Variants in KATNAL1 observed in about 807,000 individuals in gnomAD.
KATNAL1 encodes the protein katanin catalytic subunit A1 like 1, also known as katanin p60 ATPase-containing subunit A-like 1.
KATNAL1 carries 32 observed loss-of-function variants against 55.2 expected under a neutral mutation model. The observed-to-expected ratio is 0.58, with a 90% confidence interval of 0.44 to 0.78. The LOEUF (loss-of-function observed/expected upper bound fraction) is 0.78, where lower values mean the gene tolerates loss of function less well. KATNAL1 is among the 30% of genes least tolerant of loss of function. KATNAL1 has a pLI of 0.00. For missense variants in KATNAL1, 466 were observed against 600.9 expected, an observed-to-expected ratio of 0.78 and a Z score of 2.35; for synonymous variants, 193 against 193.6, an observed-to-expected ratio of 1.00 and a Z score of 0.02.
chr13:30,238,300 T>C (rs182253046), intron 6 of KATNAL1, among the ~76,000 whole-genome samples: 54 of 152,250 alleles, frequency 3.5e-4, no homozygotes, highest in African/African-American at 1.2e-3. Context: ...GAGATAACCA[T>C]TATTATTCCC....
chr13:30,296,449 C>T (rs1418055303), intron 1 of KATNAL1: 7 of 788,450 alleles, frequency 8.9e-6, no homozygotes, highest in East Asian at 2.6e-5. Context: ...CCCTGAACAT[C>T]CCCCTGCTTG....
intron 1 of KATNAL1, among the ~76,000 whole-genome samples, chr13:30,300,300 C>T (rs1882778158): frequency 6.6e-6 from 1 of 152,158 alleles, no homozygotes; most frequent in African/African-American, 2.4e-5. Flanking sequence ...TATTCTGACA[C>T]TTCCATATTT....
Position 30,241,053 on chromosome 13 carries a change from C to T in KATNAL1, c.526G>A (p.Gly176Ser). The change falls in exon 5 of 11, where the codon GGT becomes AGT. Residue 176 changes from glycine to serine, a missense_variant. Transcript: ENST00000380615. ...GCACCATCAAATTTTGGCATTTCAC[C>T]ATCACTTGCACCATCTTGCATATTC... ...RKNMQDGASD[G>S]EMPKFDGAGY... is the part of the protein sequence containing the mutation. The T allele has an allele frequency of 6.2e-7, 1 of 1,613,524 alleles. No individual in the cohort carries two copies. The highest frequency in any genetic ancestry group is 1.3e-5 in the African/African-American group (1 of 75,014).
At position 30,240,557 on chromosome 13, in the gene KATNAL1, A is replaced by G. The variant is rs2137423264; in HGVS notation, c.629T>C (p.Ile210Thr). 1 of 1,610,450 alleles carries G rather than the reference A, an allele frequency of 6.2e-7. No individual in the cohort carries two copies. ...SRNPSIHWDD[I>T]ADLEEAKKLL... Reference sequence around the variant, plus strand: ...CTTCTTAGCTTCTTCCAGATCTGCTATGTCATCCCTTTGAAAGAACAGCAA... The same window carrying G: ...CTTCTTAGCTTCTTCCAGATCTGCTGTGTCATCCCTTTGAAAGAACAGCAA... The change falls in exon 6 of 11, where the codon ATA (isoleucine) becomes ACA (threonine). Residue 210 changes from isoleucine to threonine, a missense_variant. Ile to Thr is a moderately conservative substitution (Grantham distance 89). Around this residue, in one of 3 missense-constraint regions of KATNAL1, gnomAD observed 248 missense variants for 275.5 expected, o/e 0.90. Coordinates refer to ENST00000380615, the MANE Select transcript of KATNAL1 (RefSeq NM_032116.5).
chr13:30,238,995 G>A (rs1227152672), intron 6 of KATNAL1, among the ~76,000 whole-genome samples: 4 of 152,038 alleles, frequency 2.6e-5, no homozygotes, highest in Admixed American at 6.6e-5. Flanking sequence ...CCAAATAGTG[G>A]GGATTTGAGA....
intron 6 of KATNAL1, among the ~76,000 whole-genome samples, chr13:30,232,784 A>G (rs1309372539): frequency 3.9e-5 from 6 of 152,098 alleles, no homozygotes; most frequent in African/African-American, 1.4e-4. Flanking sequence ...CTCTTTGTCT[A>G]CTGGCTCTTT....
At chr13:30,237,033 T>C (rs1240027960) in intron 6 of KATNAL1, among the ~76,000 whole-genome samples, 1 of 152,212 alleles carries the variant, frequency 6.6e-6, no homozygotes, top group Non-Finnish European at 1.5e-5. Flanking sequence ...TCTTCTGCCA[T>C]AGCAGTGTGT....
chr13:30,234,455 T>C (rs1876451802), intron 6 of KATNAL1, among the ~76,000 whole-genome samples: 1 of 152,212 alleles, frequency 6.6e-6, no homozygotes, highest in Admixed American at 6.5e-5. Context: ...ATGCTGCTGA[T>C]ACATGGTATT....
chr13:30,213,397 G>C (rs957340271), intron 9 of KATNAL1, among the ~76,000 whole-genome samples: 2 of 152,152 alleles, frequency 1.3e-5, no homozygotes, highest in Non-Finnish European at 2.9e-5. Flanking sequence ...AATAGAAAAA[G>C]AGGGAATCCT....
chr13:30,284,012 C>T (rs1030674235), intron 1 of KATNAL1, among the ~76,000 whole-genome samples: 1 of 151,864 alleles, frequency 6.6e-6, no homozygotes, highest in Non-Finnish European at 1.5e-5. Context: ...AGGGGTGCAC[C>T]ACCATGCCCG....
At chr13:30,304,419 G>A (rs1360574890) in intron 1 of KATNAL1, among the ~76,000 whole-genome samples, 1 of 152,036 alleles carries the variant, frequency 6.6e-6, no homozygotes, top group Non-Finnish European at 1.5e-5. Context: ...ATAGGTGTGC[G>A]CCACCATGTC....
intron 2 of KATNAL1, among the ~76,000 whole-genome samples, chr13:30,282,575 C>T (rs1881441410): frequency 6.6e-6 from 1 of 151,430 alleles, no homozygotes; most frequent in Non-Finnish European, 1.5e-5. Flanking sequence ...GAGTTTGAGG[C>T]TGCAGTGAGC....
In KATNAL1 at chr13:30,240,920, T is replaced by C. The variant is rs144520722; in HGVS notation, c.620+39A>G. 310 of 1,576,074 alleles carry C rather than the reference T, an allele frequency of 2.0e-4. 2 individuals are homozygous for C. The African/African-American group carries it at 3.7e-3, about 19-fold the overall frequency. On this transcript the variant is annotated intron_variant, in intron 5 of 10. Transcript: ENST00000380615. ...CACCAAGACAACCTATAATTTGTGT[T>C]CTCCTCTACTTTAATTCAATAATTT...
chr13:30,306,663 A>C (rs1163295743), intron 1 of KATNAL1: 1 of 152,226 alleles, frequency 6.6e-6, no homozygotes, highest in Non-Finnish European at 1.5e-5. Context: ...GCTACTTTAA[A>C]ACAAACATGA....
intron 9 of KATNAL1, among the ~76,000 whole-genome samples, chr13:30,223,511 T>C (rs1390360692): frequency 8.7e-6 from 1 of 114,992 alleles, no homozygotes; most frequent in African/African-American, 3.3e-5. Context: ...AAATTAAAGA[T>C]AAAAAGCAGA....
intron 9 of KATNAL1, among the ~76,000 whole-genome samples, chr13:30,219,515 T>C (rs1011297529): frequency 5.9e-5 from 9 of 152,216 alleles, no homozygotes; most frequent in Non-Finnish European, 1.0e-4. Context: ...TTAGGGTAAG[T>C]ATATGTCTGG....
chr13:30,274,894 C>T (rs762370535), intron 3 of KATNAL1, among the ~76,000 whole-genome samples: 1,787 of 93,136 alleles, frequency 0.019, 20 homozygotes, highest in Non-Finnish European at 0.026. Context: ...CACACATACG[C>T]GCGCGCGCGC....
At chr13:30,248,647 G>T (rs545626059) in intron 4 of KATNAL1, among the ~76,000 whole-genome samples, 1 of 152,206 alleles carries the variant, frequency 6.6e-6, no homozygotes. Context: ...TGACAACGCC[G>T]GGCGCAATGG....
At chr13:30,225,133 T>C (rs605095) in intron 9 of KATNAL1, among the ~76,000 whole-genome samples, 80,591 of 152,032 alleles carry the variant, frequency 0.53, 21,555 homozygotes, top group Admixed American at 0.59. Context: ...GGAAAGTCCA[T>C]TCATCAAGGT....
Sources: allele counts gnomAD v4.1 joint callset (sites outside exome capture counted in the v4.1 genomes callset), GRCh38; gene constraint gnomAD v4.1.1; regional missense constraint gnomAD v4.1.1; transcripts MANE v1.5; gene names NCBI Gene and HGNC (gene_info 2026-07-23, HGNC 2026-07-21).